Variants in MPRIP observed in about 807,000 individuals in gnomAD.
MPRIP encodes the protein myosin phosphatase Rho-interacting protein.
MPRIP carries 59 observed loss-of-function variants against 234.9 expected under a neutral mutation model. That is an observed-to-expected ratio of 0.25 (90% CI 0.20 to 0.31). The LOEUF is 0.31. Ranked by LOEUF, MPRIP falls within the 10% of genes least tolerant of loss-of-function variation. MPRIP has a pLI of 1.00. For synonymous variants in MPRIP, 1,144 were observed against 1,263.9 expected (o/e 0.91, Z 2.01); for missense variants, 2,436 against 3,071.0 (o/e 0.79, Z 4.89).
At chr17:17,162,904 G>A (rs1212609776) in intron 15 of MPRIP, among the ~76,000 whole-genome samples, 8 of 152,216 alleles carry the variant, frequency 5.3e-5, no homozygotes, top group Non-Finnish European at 1.0e-4. Flanking sequence ...TACTCAACTT[G>A]TACTAAGCAG....
At chr17:17,149,700 T>C (rs1331090150) in intron 11 of MPRIP, 2 of 147,014 alleles carry the variant, frequency 1.4e-5, no homozygotes, top group Non-Finnish European at 3.0e-5. Flanking sequence ...TTTATATTAA[T>C]ATATATTTTC....
chr17:17,107,422 T>C (rs1488591832), intron 3 of MPRIP, among the ~76,000 whole-genome samples: 1 of 152,208 alleles, frequency 6.6e-6, no homozygotes, highest in Non-Finnish European at 1.5e-5. Context: ...CTGGGTGCTA[T>C]TCAGGTTGCT....
In MPRIP at chr17:17,165,953, G is replaced by C. The variant is rs758223724; in HGVS notation, c.4362G>C (p.Arg1454Ser). The C allele has an allele frequency of 2.3e-6, 3 of 1,304,320 alleles. No individual in the cohort carries two copies. In the South Asian group the frequency reaches 3.7e-5, roughly 16 times the overall value. The allele number at this position is 1,304,320 out of a possible 1,614,324, so 80.8% of individuals were successfully genotyped here. A position where few individuals can be genotyped will look rare whatever the true frequency, so the allele number is the denominator to read the frequency against. Residue 1454 changes from arginine (R) to serine (S), a missense_variant, in exon 16 of 24, where the codon AGG (arginine) becomes AGC (serine). Around this residue, in one of 4 missense-constraint regions of MPRIP, gnomAD observed 1,998 missense variants for 2,520.3 expected, o/e 0.79. Coordinates refer to ENST00000651222, the MANE Select transcript of MPRIP (RefSeq NM_001364716.4). ...AGCTGGAGCAGGAGAGGCAGGAGAG[G>C]GCCAGGAGGGTTGAAGGGCATGTTG... ...ASQLEQERQE[R>S]ARRVEGHVGE...
At chr17:17,108,045 G>A (rs921876607) in intron 3 of MPRIP, among the ~76,000 whole-genome samples, 1 of 152,192 alleles carries the variant, frequency 6.6e-6, no homozygotes. Flanking sequence ...GCCTGACACA[G>A]CCACCACCTC....
At chr17:17,116,595 G>A (rs2090290256) in intron 3 of MPRIP, among the ~76,000 whole-genome samples, 1 of 152,254 alleles carries the variant, frequency 6.6e-6, no homozygotes, top group African/African-American at 2.4e-5. Flanking sequence ...CTGTGTACCA[G>A]GTGTTCCCAG....
chr17:17,132,544 G>A lies in MPRIP; in HGVS notation c.504+843G>A, dbSNP rs2090617957. On this transcript the variant is annotated intron_variant, in intron 5 of 23. Coordinates refer to ENST00000651222, the MANE Select transcript of MPRIP (RefSeq NM_001364716.4). ...ATGGGGGTCCCTTGGGCATCACAAG[G>A]CCAGAGGCCCACAGAAGTGAAGAGA... Among the ~76,000 whole-genome samples the A allele has an allele frequency of 2.0e-5, 3 of 152,186 alleles. No individual in the cohort carries two copies. In the South Asian group the frequency reaches 6.2e-4, roughly 31 times the overall value.
At chr17:17,087,313 A>G (rs1426642519) in intron 3 of MPRIP, among the ~76,000 whole-genome samples, 1 of 152,156 alleles carries the variant, frequency 6.6e-6, no homozygotes, top group African/African-American at 2.4e-5. Flanking sequence ...AGAGCCTGGG[A>G]GTTGCCCTTC....
At chr17:17,145,462 G>T (rs575280059) in intron 9 of MPRIP, among the ~76,000 whole-genome samples, 1 of 152,234 alleles carries the variant, frequency 6.6e-6, no homozygotes, top group East Asian at 1.9e-4. Context: ...GGACAAGAGC[G>T]CTGTGCCTGG....
chr17:17,184,959 T>C lies in MPRIP; in HGVS notation c.*65T>C. The C allele has an allele frequency of 2.0e-6, 2 of 1,019,220 alleles. No homozygotes were observed. Among genetic ancestry groups the C allele is most frequent in the Non-Finnish European group, 3.1e-6 (2 of 642,438 alleles). The allele number at this position is 1,019,220 out of a possible 1,614,324, so 63.1% of individuals were successfully genotyped here. ...TGCAGCAGCACACCCCAAGCGCTGCTTTTCACCTGTACCTTTGTTTTATTA... is the reference window on the plus strand; with the variant it reads ...TGCAGCAGCACACCCCAAGCGCTGCCTTTCACCTGTACCTTTGTTTTATTA... On this transcript the variant is annotated 3_prime_UTR_variant, in exon 24 of 24. Transcript: ENST00000651222.
At chr17:17,112,813 C>T (rs534173576) in intron 3 of MPRIP, among the ~76,000 whole-genome samples, 1 of 152,318 alleles carries the variant, frequency 6.6e-6, no homozygotes, top group African/African-American at 2.4e-5. Context: ...AGGCGGCCCT[C>T]AGGCTGTGCC....
chr17:17,096,909 A>G (rs1167904361), intron 3 of MPRIP: 5 of 425,840 alleles, frequency 1.2e-5, no homozygotes, highest in African/African-American at 4.1e-5. Context: ...GTCTTCTAGA[A>G]TCTCGTCGGC....
At chr17:17,067,140 T>C (rs185216201) in intron 1 of MPRIP, among the ~76,000 whole-genome samples, 1 of 152,342 alleles carries the variant, frequency 6.6e-6, no homozygotes, top group East Asian at 1.9e-4. Flanking sequence ...ATAGAAAAAT[T>C]AGCATGAATT....
rs764037171 is a variant in MPRIP, at chr17:17,143,654, G to A, written c.1488G>A (p.Thr496=). The A allele has an allele frequency of 1.6e-5, 25 of 1,604,328 alleles. No homozygotes were observed. Among genetic ancestry groups the A allele is most frequent in the Middle Eastern group, 1.6e-4 (1 of 6,068 alleles). The change falls in exon 9 of 24, where the codon ACG becomes ACA. Residue 496 remains threonine (T), a synonymous_variant. Coordinates refer to ENST00000651222, the MANE Select transcript of MPRIP (RefSeq NM_001364716.4). ...RRAKSLDRRS[T]EPSVTPDLLN... ...CCAAGTCACTGGACAGGAGGTCCACGGAGCCCTCCGTGACGGTGAGCCCAG... is the reference window on the plus strand; with the variant it reads ...CCAAGTCACTGGACAGGAGGTCCACAGAGCCCTCCGTGACGGTGAGCCCAG...
At chr17:17,051,370 C>T (rs1316401127) in intron 1 of MPRIP, among the ~76,000 whole-genome samples, 1 of 152,184 alleles carries the variant, frequency 6.6e-6, no homozygotes, top group Non-Finnish European at 1.5e-5. Context: ...AAGCATCTGA[C>T]CTAAGAAAAC....
intron 3 of MPRIP, among the ~76,000 whole-genome samples, chr17:17,105,023 G>A (rs1476687779): frequency 6.6e-6 from 1 of 152,162 alleles, no homozygotes; most frequent in Non-Finnish European, 1.5e-5. Flanking sequence ...TCCACTGGGC[G>A]TGTTTGCTGC....
At chr17:17,055,443 G>A (rs1157238322) in intron 1 of MPRIP, among the ~76,000 whole-genome samples, 2 of 152,230 alleles carry the variant, frequency 1.3e-5, no homozygotes, top group East Asian at 1.9e-4. Context: ...AGGACGTTTC[G>A]TGGCCCCCTG....
chr17:17,079,362 T>G (rs1186960210), intron 3 of MPRIP, among the ~76,000 whole-genome samples: 1 of 152,182 alleles, frequency 6.6e-6, no homozygotes, highest in Non-Finnish European at 1.5e-5. Flanking sequence ...TCCAGGGTAG[T>G]GTACTGGAGG....
intron 3 of MPRIP, among the ~76,000 whole-genome samples, chr17:17,114,215 C>G (rs1293720167): frequency 6.6e-6 from 1 of 152,058 alleles, no homozygotes; most frequent in Non-Finnish European, 1.5e-5. Flanking sequence ...TTATGTGTGT[C>G]TTGGCCATTT....
intron 3 of MPRIP, among the ~76,000 whole-genome samples, chr17:17,098,442 T>G (rs1262046800): frequency 6.6e-6 from 1 of 152,104 alleles, no homozygotes; most frequent in East Asian, 1.9e-4. Context: ...GACCCTCGGC[T>G]AGGGGAGGAA....
Sources: gnomAD v4.1 joint callset for allele counts (sites outside exome capture counted in the v4.1 genomes callset) on GRCh38, gnomAD v4.1.1 for gene constraint, gnomAD v4.1.1 regional missense constraint, MANE v1.5 for transcripts, NCBI Gene and HGNC (gene_info 2026-07-23, HGNC 2026-07-21) for gene names.